NREP: variants seen among roughly 807,000 people sequenced by gnomAD.
NREP encodes neuronal regeneration-related protein.
Under a neutral mutation model 8.6 loss-of-function variants are expected in NREP, and 5 were observed. The ratio of observed to expected loss-of-function variants is 0.58; its 90% CI spans 0.30 to 1.22. The LOEUF is 1.22. Among genes scored for constraint, NREP ranks in the 50% most tolerant of loss-of-function variants. The pLI, the probability that NREP is intolerant of heterozygous loss-of-function variation, is 0.07. For missense variants in NREP, 86 were observed against 82.5 expected (o/e 1.04, Z -0.17); for synonymous variants, 27 against 28.0 (o/e 0.96, Z 0.11).
chr5:111,752,110 G>T (rs11948283), intron 2 of NREP, among the ~76,000 whole-genome samples: 21,118 of 152,100 alleles, frequency 0.14, 1,842 homozygotes, highest in East Asian at 0.31. Flanking sequence ...TTTAGAAGTA[G>T]TCATCTCAGG....
At chr5:111,796,257 C>T (rs1751870948) in intron 2 of NREP, among the ~76,000 whole-genome samples, 1 of 152,178 alleles carries the variant, frequency 6.6e-6, no homozygotes, top group Non-Finnish European at 1.5e-5. Context: ...CCTGTCCTCA[C>T]ACCTCCTGCT....
At chr5:111,762,460 C>T (rs1750982043), upstream of NREP, among the ~76,000 whole-genome samples, 1 of 151,938 alleles carries the variant, frequency 6.6e-6, no homozygotes, top group Admixed American at 6.6e-5. Flanking sequence ...CCCCCACACA[C>T]CACCCCCAAA....
intron 2 of NREP, among the ~76,000 whole-genome samples, chr5:111,775,990 A>T (rs1312120825): frequency 1.3e-5 from 2 of 152,238 alleles, no homozygotes; most frequent in South Asian, 4.1e-4. Context: ...TTAAAACTAT[A>T]AAAAACCATA....
intron 2 of NREP, among the ~76,000 whole-genome samples, chr5:111,797,619 A>G (rs890488213): frequency 6.6e-6 from 1 of 152,202 alleles, no homozygotes; most frequent in African/African-American, 2.4e-5. Flanking sequence ...CAGAGGTGCT[A>G]GGCTGCAGAG....
chr5:111,890,218 A>G (rs1283467784), intron 2 of NREP, among the ~76,000 whole-genome samples: 1 of 152,118 alleles, frequency 6.6e-6, no homozygotes, highest in Non-Finnish European at 1.5e-5. Flanking sequence ...TTAAATATTA[A>G]AGCTCCAAAA....
chr5:111,785,681 G>T (rs942021072), intron 2 of NREP, among the ~76,000 whole-genome samples: 1 of 152,158 alleles, frequency 6.6e-6, no homozygotes, highest in African/African-American at 2.4e-5. Flanking sequence ...TTTAGGAGTG[G>T]TGAGTTCATG....
rs572611928 is a variant in NREP at position 111,946,913 on chromosome 5, A to G, written c.135+28361T>C. ...ACCAATTAGGAAACCAAAACCAACC[A>G]ACCAAGAAAATATAATAATTCCTAT... On this transcript the variant is annotated intron_variant, in intron 2 of 3. Transcript: ENST00000395634. 2.2e-4 allele frequency among the ~76,000 whole-genome samples: 33 copies of G among 152,116 alleles called. No homozygotes were observed. In the East Asian group the frequency reaches 6.2e-3, roughly 29 times the overall value.
chr5:111,839,139 C>A lies in NREP; in HGVS notation c.136-103632G>T, dbSNP rs76533161. Among the ~76,000 whole-genome samples, 89 of 152,198 alleles carry A rather than the reference C, an allele frequency of 5.8e-4. 1 individual carries two copies. The East Asian group carries it at 0.016, about 28-fold the overall frequency. On this transcript the variant is annotated intron_variant, in intron 2 of 3. Transcript: ENST00000395634. ...TACTCAGACTTCATCTTCATTGTTA[C>A]AAACTACATTGTCTCTAGCATAGCA...
chr5:111,881,882 A>C (rs965220513), intron 2 of NREP, among the ~76,000 whole-genome samples: 3 of 152,194 alleles, frequency 2.0e-5, no homozygotes, highest in Non-Finnish European at 4.4e-5. Flanking sequence ...AGATGGGAAA[A>C]AACAGAGCAG....
intron 2 of NREP, among the ~76,000 whole-genome samples, chr5:111,778,947 T>A (rs1393331170): frequency 6.6e-6 from 1 of 152,188 alleles, no homozygotes; most frequent in African/African-American, 2.4e-5. Context: ...ATTTTTTTAA[T>A]GGTCCTCGAA....
intron 2 of NREP, among the ~76,000 whole-genome samples, chr5:111,829,980 A>T (rs1561683805): frequency 6.6e-6 from 1 of 152,154 alleles, no homozygotes; most frequent in Non-Finnish European, 1.5e-5. Context: ...AAATTTCCCA[A>T]AAGAATCTAG....
chr5:111,861,754 A>T (rs745593138), intron 2 of NREP, among the ~76,000 whole-genome samples: 3 of 152,196 alleles, frequency 2.0e-5, no homozygotes, highest in Non-Finnish European at 4.4e-5. Context: ...TATAGTAGGT[A>T]TGAAATAAAT....
At chr5:111,921,703 C>A (rs1345137470) in intron 2 of NREP, among the ~76,000 whole-genome samples, 1 of 152,100 alleles carries the variant, frequency 6.6e-6, no homozygotes, top group Non-Finnish European at 1.5e-5. Context: ...TGCTATGATT[C>A]CCAGCTGATA....
At chr5:111,896,043 G>A (rs1026253169) in intron 2 of NREP, among the ~76,000 whole-genome samples, 1 of 152,184 alleles carries the variant, frequency 6.6e-6, no homozygotes, top group African/African-American at 2.4e-5. Flanking sequence ...TTATAGTAGT[G>A]CTTTAAGAGA....
intron 2 of NREP, among the ~76,000 whole-genome samples, chr5:111,777,476 A>G (rs1333796793): frequency 2.6e-5 from 4 of 152,046 alleles, no homozygotes; most frequent in African/African-American, 9.7e-5. Context: ...TACAATTTAA[A>G]TTGTGTACTG....
At chr5:111,926,102 C>A (rs868368619) in intron 2 of NREP, among the ~76,000 whole-genome samples, 208 of 152,082 alleles carry the variant, frequency 1.4e-3, no homozygotes, top group African/African-American at 4.9e-3. Flanking sequence ...CATTAGAGAA[C>A]CTACCCAGGT....
intron 2 of NREP, among the ~76,000 whole-genome samples, chr5:111,806,662 T>A (rs1034282284): frequency 6.6e-6 from 1 of 152,202 alleles, no homozygotes; most frequent in Non-Finnish European, 1.5e-5. Flanking sequence ...AATTCAGTCC[T>A]TTCTAGCCCT....
At chr5:111,749,764 C>A (rs1188334840) in intron 2 of NREP, among the ~76,000 whole-genome samples, 1 of 152,160 alleles carries the variant, frequency 6.6e-6, no homozygotes, top group Admixed American at 6.5e-5. Flanking sequence ...CAAGCAGACA[C>A]TGCTGAACCT....
At chr5:111,798,708 C>A (rs1004118575) in intron 2 of NREP, among the ~76,000 whole-genome samples, 2 of 148,354 alleles carry the variant, frequency 1.3e-5, no homozygotes, top group African/African-American at 2.5e-5. Flanking sequence ...TATTTTGTTC[C>A]TTTTTATGGC....
Sources: gnomAD v4.1 joint callset for allele counts (sites outside exome capture counted in the v4.1 genomes callset) on GRCh38, gnomAD v4.1.1 for gene constraint, MANE v1.5 for transcripts, NCBI Gene and HGNC (gene_info 2026-07-23, HGNC 2026-07-21) for gene names.